DUSP29: variants seen among roughly 807,000 people sequenced by gnomAD.
DUSP29 encodes the protein atypical dual-specific protein phosphatase.
A neutral mutation model predicts 13.5 loss-of-function variants in DUSP29; 12 were observed. That is an observed-to-expected ratio of 0.89 (90% confidence interval 0.57 to 1.44). The LOEUF (loss-of-function observed/expected upper bound fraction) is 1.44. DUSP29 is among the 40% of genes most tolerant of loss of function. The pLI is 0.00. For missense variants in DUSP29, 308 were observed against 301.1 expected, an observed-to-expected ratio of 1.02 and a Z score of -0.17; for synonymous variants, 134 against 128.7, an observed-to-expected ratio of 1.04 and a Z score of -0.28.
intron 3 of DUSP29, among the ~76,000 whole-genome samples, chr10:75,042,149 G>A (rs78691978): frequency 0.015 from 2,222 of 152,342 alleles, 53 homozygotes; most frequent in African/African-American, 0.047. Context: ...CTTTACGCGC[G>A]TTACTGCTGA....
At position 75,059,200 on chromosome 10, in the gene DUSP29, A is replaced by G. The variant is rs534482563; in HGVS notation, c.-34-652T>C. Among the ~76,000 whole-genome samples the G allele has an allele frequency of 3.3e-4, 50 of 152,280 alleles. 1 individual carries two copies. Among genetic ancestry groups the G allele is most frequent in the African/African-American group, 1.2e-3 (48 of 41,564 alleles). The stretch of plus-strand genomic sequence containing the variant: ...ATCACTGTGTTAACTTACCAAGGGG[A>G]TTGGAAGAGATGCCCCAAGATAGAA... On this transcript the variant is annotated intron_variant, in intron 1 of 3. Transcript: ENST00000338487.
At chr10:75,068,400 C>T (rs7897196) in intron 1 of DUSP29, among the ~76,000 whole-genome samples, 76 of 152,272 alleles carry the variant, frequency 5.0e-4, no homozygotes, top group African/African-American at 1.6e-3. Flanking sequence ...TTGCTTGAGC[C>T]CAGGAGTTTG....
intron 3 of DUSP29, among the ~76,000 whole-genome samples, chr10:75,042,899 T>C (rs1846615439): frequency 6.6e-6 from 1 of 152,242 alleles, no homozygotes; most frequent in Admixed American, 6.5e-5. Flanking sequence ...ATTAGGGAGC[T>C]GAAGTCCCTC....
At chr10:75,047,385 G>C (rs1221917685) in intron 2 of DUSP29, among the ~76,000 whole-genome samples, 2 of 152,250 alleles carry the variant, frequency 1.3e-5, no homozygotes, top group African/African-American at 4.8e-5. Flanking sequence ...AGATGGGACA[G>C]ATGCCCAGCT....
chr10:75,058,329 G>A lies in DUSP29; in HGVS notation c.186C>T (p.Leu62=). The change falls in exon 2 of 4, where the codon CTC becomes CTT. Residue 62 remains leucine, a synonymous_variant. Transcript: ENST00000338487. ...YTHVNEVWPK[L]YIGDEATALD... ...TGGGCACTTACTCATCGCCAATGTA[G>A]AGCTTGGGCCAGACCTCGTTGACGT... 1 of 1,613,552 alleles carries A rather than the reference G, an allele frequency of 6.2e-7. No individual in the cohort carries two copies. The highest frequency in any genetic ancestry group is 8.5e-7 in the Non-Finnish European group (1 of 1,179,674).
chr10:75,067,309 C>T (rs564957584), intron 1 of DUSP29, among the ~76,000 whole-genome samples: 3 of 152,254 alleles, frequency 2.0e-5, no homozygotes, highest in Non-Finnish European at 2.9e-5. Context: ...GCCTTGGAAG[C>T]GGCTGGTGCA....
At chr10:75,043,703 T>TG (rs1846634238) in intron 3 of DUSP29, 94 bp downstream of exon 3, 4 of 1,043,138 alleles carry the variant, frequency 3.8e-6, no homozygotes, top group East Asian at 2.9e-5. Context: ...GGAGCCTTAG[T>TG]GGGGCGGGGA....
chr10:75,043,849 G>C lies in DUSP29; in HGVS notation c.369C>G (p.Val123=). The change falls in exon 3 of 4, where the codon GTC becomes GTG. Residue 123 remains valine (V), a synonymous_variant. Coordinates refer to ENST00000338487, the MANE Select transcript of DUSP29 (RefSeq NM_001003892.3). ...TGAAGGCTGCCGCCGGGTAGAAGAA[G>C]ACACTGAGGTCGAAGGTGGGCAGGT... ...ADDLPTFDLS[V]FFYPAAAFID... 6.2e-7 allele frequency: 1 copy of C among 1,613,992 alleles called. No individual in the cohort carries two copies. Among genetic ancestry groups the C allele is most frequent in the Non-Finnish European group, 8.5e-7 (1 of 1,179,934 alleles).
chr10:75,066,219 C>T (rs1344772471), intron 1 of DUSP29, among the ~76,000 whole-genome samples: 1 of 152,196 alleles, frequency 6.6e-6, no homozygotes, highest in African/African-American at 2.4e-5. Context: ...GGGCCAGAGA[C>T]CACCAAGTGA....
At chr10:75,044,779 C>T (rs144387001) in intron 2 of DUSP29, among the ~76,000 whole-genome samples, 1 of 152,190 alleles carries the variant, frequency 6.6e-6, no homozygotes, top group African/African-American at 2.4e-5. Context: ...ATGGTGGGGC[C>T]GGAGTGGAGA....
chr10:75,059,298 T>A (rs1320695858), intron 1 of DUSP29, among the ~76,000 whole-genome samples: 1 of 152,146 alleles, frequency 6.6e-6, no homozygotes, highest in African/African-American at 2.4e-5. Context: ...GGGAGAGGAC[T>A]TTCCATTGTC....
At chr10:75,041,372 G>A (rs944321446) in intron 3 of DUSP29, among the ~76,000 whole-genome samples, 15 of 152,272 alleles carry the variant, frequency 9.9e-5, no homozygotes, top group Middle Eastern at 3.4e-3. Context: ...CCTAAAAATC[G>A]AGTGATTTTA....
chr10:75,040,837 G>A lies in DUSP29; in HGVS notation c.422-2760C>T, dbSNP rs938248982. Among the ~76,000 whole-genome samples, 5 of 152,340 alleles carry A rather than the reference G, an allele frequency of 3.3e-5. No homozygotes were observed. The South Asian group carries it at 8.3e-4, about 25-fold the overall frequency. ...AGATATTTTAAGAGTGACTGAGGTT[G>A]CCTGGGGAGTTCTTTATAAAGGGTC... On this transcript the variant is annotated intron_variant, in intron 3 of 3. Transcript: ENST00000338487.
chr10:75,043,670 A>AGGGCGGAGCCTAGGCTAG (rs1589857091), intron 3 of DUSP29, 127 bp downstream of exon 3: 5 of 908,550 alleles, frequency 5.5e-6, no homozygotes, highest in African/African-American at 1.8e-5. Context: ...CCTTGGGCTA[A>AGGGCGGAGCCTAGGCTAG]GGGCGGAGCC....
intron 1 of DUSP29, among the ~76,000 whole-genome samples, chr10:75,068,877 A>T (rs1393494889): frequency 6.6e-6 from 1 of 152,198 alleles, no homozygotes; most frequent in Non-Finnish European, 1.5e-5. Context: ...GATTTTTTTT[A>T]AAAAGAAAAC....
At chr10:75,051,838 C>A (rs554379710) in intron 2 of DUSP29, among the ~76,000 whole-genome samples, 18 of 152,360 alleles carry the variant, frequency 1.2e-4, no homozygotes, top group African/African-American at 4.1e-4. Context: ...CTGTTCACAG[C>A]CCAGCTTATA....
chr10:75,065,732 C>T (rs12767580), intron 1 of DUSP29, among the ~76,000 whole-genome samples: 50,918 of 151,280 alleles, frequency 0.34, 9,509 homozygotes, highest in East Asian at 0.73. Flanking sequence ...ACTCAGTTGC[C>T]CAGGCTGTGG....
rs1006807777 is a variant in DUSP29, at chr10:75,065,879, T to A, written c.-34-7331A>T. Among the ~76,000 whole-genome samples the A allele has an allele frequency of 1.4e-4, 18 of 130,654 alleles. No homozygotes were observed. In the Middle Eastern group the frequency reaches 0.012, roughly 86 times the overall value. 85.7% of individuals were successfully genotyped at this position (130,654 alleles called of 152,430 possible). A position where few individuals can be genotyped will look rare whatever the true frequency, so the allele number is the denominator to read the frequency against. On this transcript the variant is annotated intron_variant, in intron 1 of 3. Transcript: ENST00000338487. Reference sequence around the variant, plus strand: ...CTAATTTACTATTATTATTATCATTTATTTTATTTTATTTTATTTTATTAT... The same window carrying A: ...CTAATTTACTATTATTATTATCATTAATTTTATTTTATTTTATTTTATTAT...
chr10:75,060,790 T>G (rs533911537), intron 1 of DUSP29, among the ~76,000 whole-genome samples: 3 of 152,276 alleles, frequency 2.0e-5, no homozygotes, highest in Admixed American at 6.5e-5. Flanking sequence ...CACACCACCA[T>G]GGCGGGAATC....
Sources: gnomAD v4.1 joint callset for allele counts (sites outside exome capture counted in the v4.1 genomes callset) on GRCh38, gnomAD v4.1.1 for gene constraint, MANE v1.5 for transcripts, NCBI Gene and HGNC (gene_info 2026-07-23, HGNC 2026-07-21) for gene names.